The following SLF1 variants were observed in gnomAD, a reference collection of about 807,000 sequenced individuals.
The protein encoded by SLF1 is SMC5-SMC6 complex localization factor protein 1.
In SLF1, 105 loss-of-function variants were observed where a neutral mutation model predicts 123.0. That is an observed-to-expected ratio of 0.85 (90% CI 0.73 to 1.00). SLF1 has a LOEUF of 1.00. Ranked by LOEUF, SLF1 falls within the 50% of genes least tolerant of loss-of-function variation. The pLI is 0.00. For missense variants in SLF1, 1,239 were observed against 1,223.0 expected (o/e 1.01, Z -0.20); for synonymous variants, 434 against 406.6 (o/e 1.07, Z -0.81).
intron 11 of SLF1, among the ~76,000 whole-genome samples, 154 bp downstream of exon 11, chr5:94,664,062 C>G (rs1271240018): frequency 6.6e-6 from 1 of 151,446 alleles, no homozygotes; most frequent in Non-Finnish European, 1.5e-5. Context: ...TACTACTGTT[C>G]TGTTTTCCAG....
chr5:94,658,555 T>C (rs1027445189), intron 9 of SLF1, among the ~76,000 whole-genome samples: 1 of 152,130 alleles, frequency 6.6e-6, no homozygotes, highest in African/African-American at 2.4e-5. Context: ...GATTTCCTTA[T>C]ATGTGACTTT....
intron 9 of SLF1, among the ~76,000 whole-genome samples, chr5:94,662,065 A>C (rs1749187942): frequency 6.6e-6 from 1 of 152,200 alleles, no homozygotes; most frequent in East Asian, 1.9e-4. Flanking sequence ...TTCAAAGCGA[A>C]TATGACTTAA....
At position 94,618,770 on chromosome 5, in the gene SLF1, A is replaced by C. The variant is rs902002181; in HGVS notation, c.-1+5A>C. ...AGCATCCCAGACACCGGGAAGGTAA[A>C]GGGGCTCAGCTAGGAAGACACAGTG... On this transcript the variant is annotated splice_donor_5th_base_variant and intron_variant, in intron 1 of 20. Coordinates refer to ENST00000265140, the MANE Select transcript of SLF1 (RefSeq NM_032290.4). 1 of 154,722 alleles carries C rather than the reference A, an allele frequency of 6.5e-6. No individual in the cohort carries two copies. Among genetic ancestry groups the C allele is most frequent in the African/African-American group, 2.4e-5 (1 of 41,490 alleles). 9.6% of individuals were successfully genotyped at this position (154,722 alleles called of 1,614,324 possible). A position where few individuals can be genotyped will look rare whatever the true frequency, so the allele number is the denominator to read the frequency against.
intron 14 of SLF1, among the ~76,000 whole-genome samples, chr5:94,671,215 A>G (rs532636795): frequency 6.6e-6 from 1 of 151,854 alleles, no homozygotes; most frequent in Non-Finnish European, 1.5e-5. Flanking sequence ...TGTAGTAGCT[A>G]GTGAATTATA....
At chr5:94,628,137 ACTTT>A (rs904621787) in intron 1 of SLF1, among the ~76,000 whole-genome samples, 3 of 139,892 alleles carry the variant, frequency 2.1e-5, no homozygotes, top group African/African-American at 5.4e-5. Flanking sequence ...GGCCAACAAT[ACTTT>A]CTTTATTTGT....
intron 14 of SLF1, among the ~76,000 whole-genome samples, chr5:94,677,654 A>G (rs1304180996): frequency 6.6e-6 from 1 of 152,158 alleles, no homozygotes; most frequent in Non-Finnish European, 1.5e-5. Context: ...TACATATCCA[A>G]CATGCCTAGA....
intron 12 of SLF1, 127 bp downstream of exon 12, chr5:94,666,151 T>C: frequency 2.3e-6 from 2 of 882,774 alleles, no homozygotes; most frequent in South Asian, 2.3e-5. Flanking sequence ...AATACAAATA[T>C]GTATTGTATT....
intron 4 of SLF1, among the ~76,000 whole-genome samples, chr5:94,640,942 G>A (rs1471623237): frequency 6.6e-6 from 1 of 152,140 alleles, no homozygotes; most frequent in Non-Finnish European, 1.5e-5. Flanking sequence ...ATATTTCAGT[G>A]TATACTGTTG....
intron 5 of SLF1, among the ~76,000 whole-genome samples, chr5:94,645,799 A>T (rs79372314): frequency 0.012 from 1,785 of 152,326 alleles, 42 homozygotes; most frequent in African/African-American, 0.042. Flanking sequence ...CAATCCAAAT[A>T]AGGAAGGCAT....
intron 10 of SLF1, among the ~76,000 whole-genome samples, chr5:94,662,934 G>A (rs1749306037): frequency 6.6e-6 from 1 of 152,154 alleles, no homozygotes; most frequent in African/African-American, 2.4e-5. Flanking sequence ...TGACCAAGGG[G>A]AATGTATTTT....
chr5:94,680,828 C>T (rs1751674893), intron 15 of SLF1, among the ~76,000 whole-genome samples: 1 of 152,132 alleles, frequency 6.6e-6, no homozygotes, highest in Admixed American at 6.5e-5. Flanking sequence ...TCAGTTTTCA[C>T]ATGACATGTG....
intron 5 of SLF1, among the ~76,000 whole-genome samples, chr5:94,643,907 CAG>C (rs1469906688): frequency 2.6e-5 from 4 of 152,018 alleles, no homozygotes; most frequent in Non-Finnish European, 4.4e-5. Context: ...TAAGAGCACT[CAG>C]GGGAGAAGAG....
chr5:94,652,603 TTTGA>T (rs1192166662), intron 7 of SLF1, among the ~76,000 whole-genome samples: 1 of 152,326 alleles, frequency 6.6e-6, no homozygotes, highest in African/African-American at 2.4e-5. Context: ...GGTTTATGTG[TTTGA>T]TTGTTAAGTT....
chr5:94,673,389 T>C (rs1750687281), intron 14 of SLF1, among the ~76,000 whole-genome samples: 1 of 152,050 alleles, frequency 6.6e-6, no homozygotes, highest in Non-Finnish European at 1.5e-5. Context: ...GTGGGTTCAA[T>C]TGAGGCCGGG....
At chr5:94,672,317 G>C (rs945099341) in intron 14 of SLF1, among the ~76,000 whole-genome samples, 4 of 152,066 alleles carry the variant, frequency 2.6e-5, no homozygotes, top group African/African-American at 9.7e-5. Context: ...AAATGCTTAT[G>C]TAGTTTCTCG....
chr5:94,641,047 A>G (rs182657667), intron 4 of SLF1, among the ~76,000 whole-genome samples: 51 of 152,308 alleles, frequency 3.3e-4, no homozygotes, highest in African/African-American at 1.2e-3. Context: ...ATATACAAGA[A>G]TATTGATAGA....
At position 94,624,298 on chromosome 5, in the gene SLF1, A is replaced by C. The variant is rs986616174; in HGVS notation, c.1-4513A>C. Among the ~76,000 whole-genome samples the C allele has an allele frequency of 2.2e-4, 34 of 152,322 alleles. 1 individual carries two copies. The highest frequency in any genetic ancestry group is 7.9e-4 in the African/African-American group (33 of 41,584). ...ATTTTCAAAGGAAATAAATTGCTTTAAAAGGCTTTCCTGATTTCTGCTATT... is the reference window on the plus strand; with the variant it reads ...ATTTTCAAAGGAAATAAATTGCTTTCAAAGGCTTTCCTGATTTCTGCTATT... On this transcript the variant is annotated intron_variant, in intron 1 of 20. Coordinates refer to ENST00000265140, the MANE Select transcript of SLF1 (RefSeq NM_032290.4).
intron 15 of SLF1, among the ~76,000 whole-genome samples, chr5:94,684,116 A>G (rs1204485967): frequency 6.6e-6 from 1 of 152,136 alleles, no homozygotes; most frequent in South Asian, 2.1e-4. Context: ...AAATAACTCC[A>G]TTTGTAAATT....
At chr5:94,677,082 T>A (rs931397656) in intron 14 of SLF1, among the ~76,000 whole-genome samples, 2 of 152,174 alleles carry the variant, frequency 1.3e-5, no homozygotes, top group Admixed American at 1.3e-4. Flanking sequence ...CCGTAATATA[T>A]AACATAATAA....
Sources: gnomAD v4.1 joint callset for allele counts (sites outside exome capture counted in the v4.1 genomes callset) on GRCh38, gnomAD v4.1.1 for gene constraint, MANE v1.5 for transcripts, NCBI Gene and HGNC (gene_info 2026-07-23, HGNC 2026-07-21) for gene names.